The following KIF1B variants were observed in gnomAD, a reference collection of about 807,000 sequenced individuals.
KIF1B encodes kinesin-like protein KIF1B.
KIF1B carries 76 observed loss-of-function variants against 241.9 expected under a neutral mutation model. The ratio of observed to expected loss-of-function variants is 0.31; its 90% CI spans 0.26 to 0.38. The LOEUF is 0.38. Ranked by LOEUF, KIF1B falls within the 10% of genes least tolerant of loss-of-function variation. KIF1B has a pLI of 1.00. For missense variants in KIF1B, 1,622 were observed against 2,271.4 expected (o/e 0.71, Z 5.81); for synonymous variants, 750 against 796.7 (o/e 0.94, Z 0.99).
At chr1:10,312,113 C>T (rs1651094481) in intron 22 of KIF1B, among the ~76,000 whole-genome samples, 1 of 134,270 alleles carries the variant, frequency 7.4e-6, no homozygotes, top group East Asian at 2.2e-4. Context: ...CTACCCTGAG[C>T]TCTAGATGCT....
At chr1:10,287,859 A>G (rs12749158) in intron 15 of KIF1B, among the ~76,000 whole-genome samples, 1 of 152,234 alleles carries the variant, frequency 6.6e-6, no homozygotes, top group African/African-American at 2.4e-5. Context: ...CTAGGAAGAA[A>G]TATTTTTAAA....
At chr1:10,356,319 C>G (rs866823264) in intron 38 of KIF1B, among the ~76,000 whole-genome samples, 1 of 151,902 alleles carries the variant, frequency 6.6e-6, no homozygotes, top group Admixed American at 6.5e-5. Context: ...GAGCCGAGAT[C>G]GCGCCACTGC....
chr1:10,374,771 T>C lies in KIF1B; in HGVS notation c.5097-83T>C. ...TTTCATCGAATCTAAGGACTTGGCC[T>C]AAGTGTGGCGTATTTTGATGGTCCT... On this transcript the variant is annotated intron_variant, in intron 46 of 48. Coordinates refer to ENST00000676179, the MANE Select transcript of KIF1B (RefSeq NM_001365951.3). This position sits in a 1 kb window ranked among gnomAD's most constrained non-coding sequence, Gnocchi z 4.3. 7.6e-7 allele frequency: 1 copy of C among 1,323,908 alleles called. No individual in the cohort carries two copies. The highest frequency in any genetic ancestry group is 1.1e-6 in the Non-Finnish European group (1 of 920,362). The allele number at this position is 1,323,908 out of a possible 1,614,324, so 82.0% of individuals were successfully genotyped here. A position where few individuals can be genotyped will look rare whatever the true frequency, so the allele number is the denominator to read the frequency against.
intron 22 of KIF1B, chr1:10,304,691 C>T: frequency 1.2e-6 from 2 of 1,609,050 alleles, no homozygotes; most frequent in Non-Finnish European, 1.7e-6. Context: ...AAGAAACAGA[C>T]AGTGTTAGCT....
chr1:10,252,576 T>TA (rs1647522364), intron 2 of KIF1B, among the ~76,000 whole-genome samples: 1 of 151,776 alleles, frequency 6.6e-6, no homozygotes, highest in Non-Finnish European at 1.5e-5. Context: ...CATGCCTAGC[T>TA]AACTTTTGTA....
Position 10,303,657 on chromosome 1 carries a change from C to T in KIF1B, c.2115+6411C>T, listed in dbSNP as rs895284489. On this transcript the variant is annotated intron_variant, in intron 22 of 48. Transcript: ENST00000676179. This position sits in a 1 kb window ranked among gnomAD's most constrained non-coding sequence, Gnocchi z 5.2. ...TAGATGACCTCAAGGTTCATATAGA[C>T]AAGCTGGAAGATATTTTGCAAGAAG... is the stretch of plus-strand genomic sequence containing the variant. The T allele has an allele frequency of 6.2e-7, 1 of 1,614,114 alleles. No homozygotes were observed. Among genetic ancestry groups the T allele is most frequent in the East Asian group, 2.2e-5 (1 of 44,888 alleles).
intron 5 of KIF1B, among the ~76,000 whole-genome samples, chr1:10,267,100 C>G (rs1648507590): frequency 6.6e-6 from 1 of 152,054 alleles, no homozygotes; most frequent in African/African-American, 2.4e-5. Context: ...TCACTCTAAC[C>G]TCCACCTCCC....
Position 10,374,798 on chromosome 1 carries a change from A to T in KIF1B, c.5097-56A>T. 6.5e-7 allele frequency: 1 copy of T among 1,541,770 alleles called. No homozygotes were observed. The highest frequency in any genetic ancestry group is 1.1e-5 in the South Asian group (1 of 88,996). On this transcript the variant is annotated intron_variant, in intron 46 of 48. Coordinates refer to ENST00000676179, the MANE Select transcript of KIF1B (RefSeq NM_001365951.3). This position sits in a 1 kb window ranked among gnomAD's most constrained non-coding sequence, Gnocchi z 4.3. ...AGTGTGGCGTATTTTGATGGTCCTC[A>T]GCACGATTATTTTCTTTTTGTGAGA...
chr1:10,305,159 A>G, intron 22 of KIF1B: 2 of 1,047,266 alleles, frequency 1.9e-6, no homozygotes, highest in Non-Finnish European at 2.3e-6. Context: ...TCCCTTCTTT[A>G]AATATGATTA....
chr1:10,334,737 TGTGGGG>T, intron 28 of KIF1B, 99 bp downstream of exon 28: 17 of 904,694 alleles, frequency 1.9e-5, no homozygotes, highest in Non-Finnish European at 2.8e-5. Flanking sequence ...ACATACAAAC[TGTGGGG>T]AGTTTGTATG....
At chr1:10,213,183 T>G (rs1320871520) in intron 1 of KIF1B, among the ~76,000 whole-genome samples, 1 of 152,094 alleles carries the variant, frequency 6.6e-6, no homozygotes, top group Non-Finnish European at 1.5e-5. Context: ...TATAAAGATC[T>G]GAATATTTTT....
rs763518228 is a variant in KIF1B at position 10,337,389 on chromosome 1, T to C, written c.3278T>C (p.Leu1093Ser). The change falls in exon 31 of 49, where the codon TTG (leucine) becomes TCG (serine). Residue 1093 changes from leucine to serine, a missense_variant. By Grantham distance (145) the Leu-to-Ser change is moderately radical. Around this residue, in one of 7 missense-constraint regions of KIF1B, gnomAD observed 803 missense variants for 1,112.0 expected, o/e 0.72. Coordinates refer to ENST00000676179, the MANE Select transcript of KIF1B (RefSeq NM_001365951.3). This position sits in a 1 kb window ranked among gnomAD's most constrained non-coding sequence, Gnocchi z 4.0. ...INDLDLKSST[L>S]LDGKMVMEGF... ...TCTTTAGATTTGAAGTCAAGCACTT[T>C]GCTGGATGGTAAGATGGTAATGGAA... 2 of 1,614,206 alleles carry C rather than the reference T, an allele frequency of 1.2e-6. No individual in the cohort carries two copies. Among genetic ancestry groups the C allele is most frequent in the South Asian group, 2.2e-5 (2 of 91,086 alleles).
intron 22 of KIF1B, chr1:10,305,209 C>T: frequency 1.1e-5 from 11 of 1,046,210 alleles, no homozygotes; most frequent in Non-Finnish European, 1.3e-5. Context: ...TCAAACATAT[C>T]TTGCAATACA....
At chr1:10,349,369 A>C (rs1652705805) in intron 37 of KIF1B, among the ~76,000 whole-genome samples, 1 of 151,834 alleles carries the variant, frequency 6.6e-6, no homozygotes, top group African/African-American at 2.4e-5. Context: ...TGGGAGGTGG[A>C]GGTTGCAGTG....
chr1:10,258,415 T>C lies in KIF1B; in HGVS notation c.184-78T>C. The C allele has an allele frequency of 5.5e-6, 8 of 1,460,526 alleles. No individual in the cohort carries two copies. The South Asian group carries it at 9.4e-5, about 17-fold the overall frequency. 90.5% of individuals were successfully genotyped at this position (1,460,526 alleles called of 1,614,324 possible). A position where few individuals can be genotyped will look rare whatever the true frequency, so the allele number is the denominator to read the frequency against. ...GTGACTGTTCTGATTCCAGACACTT[T>C]TATTATGGAAGCAATCAAGTAAGTA... On this transcript the variant is annotated intron_variant, in intron 3 of 48. Transcript: ENST00000676179.
At chr1:10,244,769 C>T (rs1422737311) in intron 2 of KIF1B, among the ~76,000 whole-genome samples, 3 of 151,870 alleles carry the variant, frequency 2.0e-5, no homozygotes, top group Non-Finnish European at 4.4e-5. Context: ...CCCACCACCA[C>T]GCCTGGCTAA....
At chr1:10,280,242 C>A (rs1161151133) in intron 14 of KIF1B, among the ~76,000 whole-genome samples, 2 of 149,020 alleles carry the variant, frequency 1.3e-5, no homozygotes, top group African/African-American at 4.9e-5. Context: ...TTTCTTTTTT[C>A]TTTTCTTTTT....
intron 2 of KIF1B, among the ~76,000 whole-genome samples, chr1:10,242,185 G>T (rs1164978325): frequency 6.6e-6 from 1 of 152,130 alleles, no homozygotes; most frequent in Non-Finnish European, 1.5e-5. Context: ...TTTTAGCATT[G>T]TCTTAGATAG....
intron 3 of KIF1B, among the ~76,000 whole-genome samples, chr1:10,257,341 G>T (rs1261278845): frequency 6.6e-6 from 1 of 151,340 alleles, no homozygotes; most frequent in African/African-American, 2.4e-5. Context: ...GGGCTTGGTG[G>T]CGGGTGCCTG....
Sources: gnomAD v4.1 joint callset for allele counts (sites outside exome capture counted in the v4.1 genomes callset) on GRCh38, gnomAD v4.1.1 for gene constraint, gnomAD v4.1.1 regional missense constraint, Gnocchi (gnomAD v3.1) non-coding constraint, MANE v1.5 for transcripts, NCBI Gene and HGNC (gene_info 2026-07-23, HGNC 2026-07-21) for gene names.